TSPAN18: variants seen among roughly 807,000 people sequenced by gnomAD.
The protein encoded by TSPAN18 is tetraspanin-18.
A neutral mutation model predicts 27.3 loss-of-function variants in TSPAN18; 14 were observed. The observed-to-expected ratio is 0.51, with a 90% CI of 0.34 to 0.80. The LOEUF (loss-of-function observed/expected upper bound fraction) is 0.80, where lower values mean the gene tolerates loss of function less well. Ranked by LOEUF, TSPAN18 falls within the 30% of genes least tolerant of loss-of-function variation. The pLI, the probability that TSPAN18 is intolerant of heterozygous loss-of-function variation, is 0.01. For synonymous variants in TSPAN18, 143 were observed against 136.5 expected (o/e 1.05, Z -0.33); for missense variants, 268 against 323.9 (o/e 0.83, Z 1.32).
chr11:44,786,418 C>T (rs1467136248), intron 2 of TSPAN18, among the ~76,000 whole-genome samples: 2 of 152,060 alleles, frequency 1.3e-5, no homozygotes, highest in East Asian at 3.9e-4. Flanking sequence ...TGGGTCTGGG[C>T]TTTGAAAGCT....
chr11:44,772,389 T>A (rs1348685924), intron 2 of TSPAN18, among the ~76,000 whole-genome samples: 2 of 151,480 alleles, frequency 1.3e-5, no homozygotes, highest in African/African-American at 4.9e-5. Context: ...GTGAACTTTG[T>A]ATGTATAACC....
rs145608474 is a variant in TSPAN18, at chr11:44,927,584, C to T, written c.699+827C>T. 5.5e-3 allele frequency among the ~76,000 whole-genome samples: 842 copies of T among 152,248 alleles called. 2 individuals are homozygous for T. The highest frequency in any genetic ancestry group is 8.1e-3 in the Non-Finnish European group (554 of 68,006). On this transcript the variant is annotated intron_variant, in intron 9 of 9. Transcript: ENST00000520358. ...GTTTCGTGGAGGCTACTGCAGATGG[C>T]GGAGAGGGAGGGGTCATTGATTATT... is the stretch of plus-strand genomic sequence containing the variant.
rs1554976096 is a variant in TSPAN18, at chr11:44,731,633, T to TGAGAGAGA, written c.-240+4361_-240+4368dup. Among the ~76,000 whole-genome samples, 487 of 107,418 alleles carry TGAGAGAGA rather than the reference T, an allele frequency of 4.5e-3. 3 individuals carry two copies. Among genetic ancestry groups the TGAGAGAGA allele is most frequent in the African/African-American group, 0.015 (423 of 28,434 alleles). The allele number at this position is 107,418 out of a possible 152,430, so 70.5% of individuals were successfully genotyped here. Reference sequence around the variant, plus strand: ...GTGTGTGTGTGTGTGTGTGTGTGTGTGAGAGAGAGAGAGAGAGAGAGAAAA... The same window carrying TGAGAGAGA: ...GTGTGTGTGTGTGTGTGTGTGTGTGTGAGAGAGAGAGAGAGAGAGAGAGAGAGAGAAAA... On this transcript the variant is annotated intron_variant, in intron 1 of 9. Transcript: ENST00000520358.
chr11:44,883,228 C>A (rs1403844046), intron 3 of TSPAN18, among the ~76,000 whole-genome samples: 1 of 152,210 alleles, frequency 6.6e-6, no homozygotes, highest in Non-Finnish European at 1.5e-5. Context: ...GCTATATGTA[C>A]ATTTTTAAAT....
intron 2 of TSPAN18, among the ~76,000 whole-genome samples, chr11:44,846,053 C>A (rs767408467): frequency 2.6e-5 from 4 of 152,212 alleles, no homozygotes; most frequent in African/African-American, 4.8e-5. Context: ...GCTGATGGAA[C>A]CTTTCTTTAC....
chr11:44,843,511 G>A (rs964210814), intron 2 of TSPAN18, among the ~76,000 whole-genome samples: 3 of 152,218 alleles, frequency 2.0e-5, no homozygotes, highest in East Asian at 3.8e-4. Flanking sequence ...CATTGTCATT[G>A]ATACCATCTT....
intron 1 of TSPAN18, among the ~76,000 whole-genome samples, chr11:44,743,003 T>G (rs1854982401): frequency 6.6e-6 from 1 of 152,190 alleles, no homozygotes; most frequent in Non-Finnish European, 1.5e-5. Context: ...CAGGGCTGAA[T>G]TATGCATCAA....
At position 44,926,705 on chromosome 11, in the gene TSPAN18, A is replaced by T. The variant is rs1239695095; in HGVS notation, c.647A>T (p.Glu216Val). Reference protein sequence around the residue: ...GCYTVILNTFETYVYLAGALA... With the variant: ...GCYTVILNTFVTYVYLAGALA... ...TACACGGTGATCCTCAACACCTTCG[A>T]GACCTACGTCTACTTGGCCGGAGCC... is the stretch of plus-strand genomic sequence containing the variant. Residue 216 changes from glutamate to valine, a missense_variant, in exon 9 of 10, where the codon GAG (glutamate) becomes GTG (valine). Physicochemically the swap from Glu to Val is moderately radical, Grantham distance 121. Coordinates refer to ENST00000520358, the MANE Select transcript of TSPAN18 (RefSeq NM_130783.5). 1 of 1,614,118 alleles carries T rather than the reference A, an allele frequency of 6.2e-7. No homozygotes were observed. The highest frequency in any genetic ancestry group is 8.5e-7 in the Non-Finnish European group (1 of 1,179,982).
At chr11:44,826,765 C>T (rs1857051184) in intron 2 of TSPAN18, among the ~76,000 whole-genome samples, 1 of 152,222 alleles carries the variant, frequency 6.6e-6, no homozygotes, top group South Asian at 2.1e-4. Context: ...TGTGGATAGA[C>T]ACACACAGGG....
intron 9 of TSPAN18, among the ~76,000 whole-genome samples, chr11:44,928,369 G>A (rs2135388229): frequency 6.6e-6 from 1 of 152,356 alleles, no homozygotes; most frequent in African/African-American, 2.4e-5. Context: ...GTGAGCTGGA[G>A]GCGAGCCTGC....
chr11:44,820,088 G>A (rs1234171302), intron 2 of TSPAN18, among the ~76,000 whole-genome samples: 3 of 152,206 alleles, frequency 2.0e-5, no homozygotes, highest in Admixed American at 6.5e-5. Context: ...GAGCCCCTGC[G>A]ACCAGCAAAT....
intron 3 of TSPAN18, among the ~76,000 whole-genome samples, chr11:44,873,980 C>G (rs556297517): frequency 6.6e-6 from 1 of 152,196 alleles, no homozygotes; most frequent in African/African-American, 2.4e-5. Context: ...AGCTGGGTGG[C>G]TTCACCTGTC....
chr11:44,869,153 G>A (rs979505050), intron 3 of TSPAN18, among the ~76,000 whole-genome samples: 3 of 152,186 alleles, frequency 2.0e-5, no homozygotes, highest in African/African-American at 7.2e-5. Context: ...GTGTGGCCTT[G>A]CAGACTGGGC....
Position 44,918,062 on chromosome 11 carries a change from C to T in TSPAN18, c.333+16C>T, listed in dbSNP as rs1274418066. ...CAGGGAAAATGTACGTATCAGGCCC[C>T]AAGCTTTCCTGCCTCCTGCTATCAG... On this transcript the variant is annotated intron_variant, in intron 6 of 9. Coordinates refer to ENST00000520358, the MANE Select transcript of TSPAN18 (RefSeq NM_130783.5). 2.5e-6 allele frequency: 4 copies of T among 1,613,380 alleles called. No homozygotes were observed. Among genetic ancestry groups the T allele is most frequent in the Non-Finnish European group, 3.4e-6 (4 of 1,179,790 alleles).
At chr11:44,826,702 A>G (rs939012605) in intron 2 of TSPAN18, among the ~76,000 whole-genome samples, 2 of 152,190 alleles carry the variant, frequency 1.3e-5, no homozygotes, top group African/African-American at 4.8e-5. Flanking sequence ...GTCAGACTCT[A>G]AAGCCAAAGC....
At chr11:44,779,633 C>T (rs758799257) in intron 2 of TSPAN18, among the ~76,000 whole-genome samples, 5 of 152,128 alleles carry the variant, frequency 3.3e-5, no homozygotes, top group Admixed American at 1.3e-4. Context: ...GCCTTAATGC[C>T]TGCCTTCCAT....
Position 44,909,857 on chromosome 11 carries a change from C to T in TSPAN18, c.216C>T (p.Gly72=). 2.5e-6 allele frequency: 4 copies of T among 1,613,996 alleles called. No individual in the cohort carries two copies. Among genetic ancestry groups the T allele is most frequent in the Non-Finnish European group, 2.5e-6 (3 of 1,179,986 alleles). Residue 72 remains glycine, a synonymous_variant, in exon 5 of 10, where the codon GGC becomes GGT. Coordinates refer to ENST00000520358, the MANE Select transcript of TSPAN18 (RefSeq NM_130783.5). The stretch of plus-strand genomic sequence containing the variant: ...TGCTCTTTCTGCTCGGCTTCCTGGG[C>T]TGCTGCGGGGCCGTCCGTGAGAACA... ...GGLLFLLGFL[G]CCGAVRENKC...
At chr11:44,763,071 C>T (rs12418869) in intron 1 of TSPAN18, among the ~76,000 whole-genome samples, 1,618 of 152,324 alleles carry the variant, frequency 0.011, 65 homozygotes, top group East Asian at 0.064. Flanking sequence ...TTATTTAACT[C>T]CTCTGAGCTC....
intron 8 of TSPAN18, among the ~76,000 whole-genome samples, chr11:44,921,214 G>A (rs950857979): frequency 6.6e-6 from 1 of 152,190 alleles, no homozygotes; most frequent in African/African-American, 2.4e-5. Context: ...CACTGTGGAC[G>A]TGGGGCAGAG....
Sources: gnomAD v4.1 joint callset for allele counts (sites outside exome capture counted in the v4.1 genomes callset) on GRCh38, gnomAD v4.1.1 for gene constraint, MANE v1.5 for transcripts, NCBI Gene and HGNC (gene_info 2026-07-23, HGNC 2026-07-21) for gene names.